Variants in TMEM151B observed in about 807,000 individuals in gnomAD.
TMEM151B encodes transmembrane protein 193.
In TMEM151B, 18 loss-of-function variants were observed where a neutral mutation model predicts 33.0. The observed-to-expected ratio is 0.55, with a 90% CI of 0.38 to 0.81. The LOEUF (loss-of-function observed/expected upper bound fraction) is 0.81, where lower values mean the gene tolerates loss of function less well. Among genes scored for constraint, TMEM151B ranks in the 30% least tolerant of loss-of-function variants. The pLI is 0.00. For missense variants in TMEM151B, 672 were observed against 843.4 expected, an observed-to-expected ratio of 0.80 and a Z score of 2.52; for synonymous variants, 354 against 373.6, an observed-to-expected ratio of 0.95 and a Z score of 0.61.
At chr6:44,272,024 A>G (rs540365162) in intron 1 of TMEM151B, among the ~76,000 whole-genome samples, 37 of 152,220 alleles carry the variant, frequency 2.4e-4, no homozygotes, top group Admixed American at 3.3e-4. Context: ...GGCCAGCACC[A>G]TGGTAGGCAC....
chr6:44,276,018 C>G lies in TMEM151B; in HGVS notation c.1192C>G (p.Leu398Val). Residue 398 changes from leucine (L) to valine (V), a missense_variant, in exon 3 of 3, where the codon CTC becomes GTC. By Grantham distance (32) the Leu-to-Val change is conservative. Coordinates refer to ENST00000451188, the MANE Select transcript of TMEM151B (RefSeq NM_001137560.2). ...SEAVLMDLAGLGTRCGGAGGG... is the reference protein window; with the variant it reads ...SEAVLMDLAGVGTRCGGAGGG... ...GGCGGTGCTCATGGACCTGGCGGGG[C>G]TCGGGACGCGCTGCGGCGGGGCAGG... is the stretch of plus-strand genomic sequence containing the variant. 3 of 1,354,142 alleles carry G rather than the reference C, an allele frequency of 2.2e-6. No homozygotes were observed. Among genetic ancestry groups the G allele is most frequent in the Non-Finnish European group, 2.8e-6 (3 of 1,054,696 alleles). 83.9% of individuals were successfully genotyped at this position (1,354,142 alleles called of 1,614,324 possible). A position where few individuals can be genotyped will look rare whatever the true frequency, so the allele number is the denominator to read the frequency against.
chr6:44,271,031 C>T (rs1237948064), intron 1 of TMEM151B, among the ~76,000 whole-genome samples, 154 bp downstream of exon 1: 1 of 149,138 alleles, frequency 6.7e-6, no homozygotes, highest in Non-Finnish European at 1.5e-5. Context: ...CCGCCCCCAC[C>T]CGGCGGCCGG....
intron 1 of TMEM151B, among the ~76,000 whole-genome samples, chr6:44,271,261 A>G (rs1782328577): frequency 6.7e-6 from 1 of 148,194 alleles, no homozygotes; most frequent in Non-Finnish European, 1.5e-5. Flanking sequence ...CAGAACGAGG[A>G]GGGTACCATG....
At position 44,277,851 on chromosome 6, in the gene TMEM151B, C is replaced by T. The variant is rs1285750339; in HGVS notation, c.*1324C>T. The T allele has an allele frequency of 6.6e-6, 1 of 152,598 alleles. No homozygotes were observed. Among genetic ancestry groups the T allele is most frequent in the Non-Finnish European group, 1.5e-5 (1 of 68,350 alleles). 9.5% of individuals were successfully genotyped at this position (152,598 alleles called of 1,614,324 possible). On this transcript the variant is annotated 3_prime_UTR_variant, in exon 3 of 3. Coordinates refer to ENST00000451188, the MANE Select transcript of TMEM151B (RefSeq NM_001137560.2). Reference sequence around the variant, plus strand: ...CCCTAAAGCTCTGACACCGCCTTCTCTCCGTGTGCTCCCCCCACCACCTCC... The same window carrying T: ...CCCTAAAGCTCTGACACCGCCTTCTTTCCGTGTGCTCCCCCCACCACCTCC...
rs1211600717 is a variant in TMEM151B, at chr6:44,278,012, CCACCCACATCTCT to C, written c.*1491_*1503del. ...CAGGCTAGAGAGGATAACCCTTGGGCCACCCACATCTCTCACCCCTGATGCTTCTTACTTCGCC... is the reference window on the plus strand; with the variant it reads ...CAGGCTAGAGAGGATAACCCTTGGGCCACCCCTGATGCTTCTTACTTCGCC... On this transcript the variant is annotated 3_prime_UTR_variant, in exon 3 of 3. Coordinates refer to ENST00000451188, the MANE Select transcript of TMEM151B (RefSeq NM_001137560.2). 4 of 153,094 alleles carry C rather than the reference CCACCCACATCTCT, an allele frequency of 2.6e-5. No homozygotes were observed. The Admixed American group carries it at 2.6e-4, about 10-fold the overall frequency. 9.5% of individuals were successfully genotyped at this position (153,094 alleles called of 1,614,324 possible). A position where few individuals can be genotyped will look rare whatever the true frequency, so the allele number is the denominator to read the frequency against.
In TMEM151B at chr6:44,276,011, G is replaced by A. The variant is rs1782571555; in HGVS notation, c.1185G>A (p.Leu395=). The change falls in exon 3 of 3, where the codon CTG becomes CTA. Residue 395 remains leucine, a synonymous_variant. Coordinates refer to ENST00000451188, the MANE Select transcript of TMEM151B (RefSeq NM_001137560.2). The part of the protein sequence containing the change: ...PSYSEAVLMD[L]AGLGTRCGGA... ...ACTCTGAGGCGGTGCTCATGGACCT[G>A]GCGGGGCTCGGGACGCGCTGCGGCG... is the stretch of plus-strand genomic sequence containing the variant. 4.4e-6 allele frequency: 6 copies of A among 1,368,918 alleles called. No individual in the cohort carries two copies. In the Middle Eastern group the frequency reaches 6.7e-4, roughly 153 times the overall value. 84.8% of individuals were successfully genotyped at this position (1,368,918 alleles called of 1,614,324 possible).
intron 2 of TMEM151B, among the ~76,000 whole-genome samples, chr6:44,274,368 T>C (rs912946546): frequency 2.6e-5 from 4 of 152,212 alleles, no homozygotes; most frequent in African/African-American, 9.6e-5. Context: ...GTGGTAGTGC[T>C]AGGCTCAATC....
Position 44,276,512 on chromosome 6 carries a change from A to G in TMEM151B, c.1686A>G (p.Val562=), listed in dbSNP as rs1371884465. Residue 562 remains valine, a synonymous_variant, in exon 3 of 3, where the codon GTA becomes GTG. Coordinates refer to ENST00000451188, the MANE Select transcript of TMEM151B (RefSeq NM_001137560.2). ...HRPLHRHGSC[V]ETSL ...CGCTGCACCGCCACGGCTCCTGCGT[A>G]GAGACCTCACTGTGACCTCCGGCCC... The G allele has an allele frequency of 6.0e-5, 83 of 1,383,716 alleles. No individual in the cohort carries two copies. The highest frequency in any genetic ancestry group is 3.6e-5 in the Non-Finnish European group (38 of 1,063,050). 85.7% of individuals were successfully genotyped at this position (1,383,716 alleles called of 1,614,324 possible). A position where few individuals can be genotyped will look rare whatever the true frequency, so the allele number is the denominator to read the frequency against.
In TMEM151B at chr6:44,278,426, C is replaced by T. The variant is rs1290895028; in HGVS notation, c.*1899C>T. 6.6e-6 allele frequency: 1 copy of T among 152,342 alleles called. No individual in the cohort carries two copies. The highest frequency in any genetic ancestry group is 1.5e-5 in the Non-Finnish European group (1 of 68,088). The allele number at this position is 152,342 out of a possible 1,614,324, so 9.4% of individuals were successfully genotyped here. A position where few individuals can be genotyped will look rare whatever the true frequency, so the allele number is the denominator to read the frequency against. On this transcript the variant is annotated 3_prime_UTR_variant, in exon 3 of 3. Coordinates refer to ENST00000451188, the MANE Select transcript of TMEM151B (RefSeq NM_001137560.2). ...CCTTGGGGGCCTGGCGTTTGGAGCACCCTTCTTTCCTCTGAATGGACATCT... is the reference window on the plus strand; with the variant it reads ...CCTTGGGGGCCTGGCGTTTGGAGCATCCTTCTTTCCTCTGAATGGACATCT...
chr6:44,276,752 C>T lies in TMEM151B; in HGVS notation c.*225C>T, dbSNP rs1310109688. On this transcript the variant is annotated 3_prime_UTR_variant, in exon 3 of 3. Transcript: ENST00000451188. ...GGGGTCGGCTGCTCCCCGAGATCCC[C>T]CTGGCAGAGTCATTCTTCCAGCCCC... The T allele has an allele frequency of 5.4e-6, 5 of 928,036 alleles. No homozygotes were observed. The highest frequency in any genetic ancestry group is 7.0e-6 in the Non-Finnish European group (5 of 712,696). 57.5% of individuals were successfully genotyped at this position (928,036 alleles called of 1,614,324 possible).
chr6:44,276,511 T>C lies in TMEM151B; in HGVS notation c.1685T>C (p.Val562Ala). The C allele has an allele frequency of 7.2e-7, 1 of 1,384,836 alleles. No homozygotes were observed. The highest frequency in any genetic ancestry group is 9.4e-7 in the Non-Finnish European group (1 of 1,063,688). 85.8% of individuals were successfully genotyped at this position (1,384,836 alleles called of 1,614,324 possible). A position where few individuals can be genotyped will look rare whatever the true frequency, so the allele number is the denominator to read the frequency against. Reference sequence around the variant, plus strand: ...CCGCTGCACCGCCACGGCTCCTGCGTAGAGACCTCACTGTGACCTCCGGCC... The same window carrying C: ...CCGCTGCACCGCCACGGCTCCTGCGCAGAGACCTCACTGTGACCTCCGGCC... ...HRPLHRHGSCVETSL is the reference protein window; with the variant it reads ...HRPLHRHGSCAETSL The change falls in exon 3 of 3, where the codon GTA becomes GCA. Residue 562 changes from valine to alanine, a missense_variant. Val to Ala is a moderately conservative substitution (Grantham distance 64). Transcript: ENST00000451188.
At position 44,276,705 on chromosome 6, in the gene TMEM151B, TAA is replaced by T. The variant is rs371436318; in HGVS notation, c.*180_*181del. 2.6e-5 allele frequency: 32 copies of T among 1,213,352 alleles called. 1 individual carries two copies. In the Middle Eastern group the frequency reaches 9.4e-4, roughly 36 times the overall value. 75.2% of individuals were successfully genotyped at this position (1,213,352 alleles called of 1,614,324 possible). The stretch of plus-strand genomic sequence containing the variant: ...CCGAGACCCCCGCTGTCCCTGTACA[TAA>T]AGAGACCGATGGGTGGGAGGGGGTC... On this transcript the variant is annotated 3_prime_UTR_variant, in exon 3 of 3. Coordinates refer to ENST00000451188, the MANE Select transcript of TMEM151B (RefSeq NM_001137560.2).
At position 44,270,778 on chromosome 6, in the gene TMEM151B, CGCCGGCGGCGGCGGCGGCG is replaced by C; in HGVS notation, c.38_56del (p.Ala13ValfsTer69). ...CTGGCTCGGCCGCGGGAGAGAGCGCCGCCGGCGGCGGCGGCGGCGGTGGCGGCCCCGGGGTCTCGGAGGA... is the reference window on the plus strand; with the variant it reads ...CTGGCTCGGCCGCGGGAGAGAGCGCCGTGGCGGCCCCGGGGTCTCGGAGGA... On this transcript the variant is annotated frameshift_variant, in exon 1 of 3. Transcript: ENST00000451188. LOFTEE classifies it high-confidence loss of function. 9.0e-7 allele frequency: 1 copy of C among 1,105,910 alleles called. No individual in the cohort carries two copies. Among genetic ancestry groups the C allele is most frequent in the Non-Finnish European group, 1.1e-6 (1 of 907,768 alleles). 68.5% of individuals were successfully genotyped at this position (1,105,910 alleles called of 1,614,324 possible).
intron 1 of TMEM151B, 86 bp from the exon 2 acceptor site, chr6:44,272,980 T>A: frequency 8.4e-7 from 1 of 1,188,052 alleles, no homozygotes; most frequent in South Asian, 1.6e-5. Flanking sequence ...CCTCTGCCCC[T>A]CCATCCCCGT....
Position 44,275,389 on chromosome 6 carries a change from C to G in TMEM151B, c.577-14C>G. 1.3e-6 allele frequency: 2 copies of G among 1,485,574 alleles called. No individual in the cohort carries two copies. Among genetic ancestry groups the G allele is most frequent in the Non-Finnish European group, 1.8e-6 (2 of 1,115,324 alleles). The allele number at this position is 1,485,574 out of a possible 1,614,324, so 92.0% of individuals were successfully genotyped here. On this transcript the variant is annotated splice_polypyrimidine_tract_variant and intron_variant, in intron 2 of 2. Transcript: ENST00000451188. Reference sequence around the variant, plus strand: ...GGCTCCCCGCGACCCCGCCGCCTGCCCCCCGCGCCGCAGGTCTACCACGAA... The same window carrying G: ...GGCTCCCCGCGACCCCGCCGCCTGCGCCCCGCGCCGCAGGTCTACCACGAA...
chr6:44,274,160 A>C (rs1363631015), intron 2 of TMEM151B, among the ~76,000 whole-genome samples: 1 of 152,096 alleles, frequency 6.6e-6, no homozygotes, highest in Non-Finnish European at 1.5e-5. Flanking sequence ...GGCTGTAGTG[A>C]GCTGTGATTG....
Position 44,275,874 on chromosome 6 carries a change from C to T in TMEM151B, c.1048C>T (p.Pro350Ser), listed in dbSNP as rs995427786. The stretch of plus-strand genomic sequence containing the variant: ...CAGCAGCGCAGGCGGTGGCCTCAGC[C>T]CCAGCGATGAGCTGCTGCCCCCGCT... Reference protein sequence around the residue: ...SASSAGGGLSPSDELLPPLTH... With the variant: ...SASSAGGGLSSSDELLPPLTH... Residue 350 changes from proline to serine, a missense_variant, in exon 3 of 3, where the codon CCC becomes TCC. By Grantham distance (74) the Pro-to-Ser change is moderately conservative. Transcript: ENST00000451188. 10 of 1,539,940 alleles carry T rather than the reference C, an allele frequency of 6.5e-6. No homozygotes were observed. The highest frequency in any genetic ancestry group is 1.2e-5 in the South Asian group (1 of 83,542).
chr6:44,274,876 T>C (rs1782506677), intron 2 of TMEM151B, among the ~76,000 whole-genome samples: 1 of 151,950 alleles, frequency 6.6e-6, no homozygotes. Context: ...CCCAGCACTT[T>C]GGGAGGCCGA....
In TMEM151B at chr6:44,276,577, G is replaced by A; in HGVS notation, c.*50G>A. On this transcript the variant is annotated 3_prime_UTR_variant, in exon 3 of 3. Coordinates refer to ENST00000451188, the MANE Select transcript of TMEM151B (RefSeq NM_001137560.2). ...CCGTCCTCCCGCCTGCCCCTCGCCGGACTGTGCTCCCTCTGCGACGCAGGG... is the reference window on the plus strand; with the variant it reads ...CCGTCCTCCCGCCTGCCCCTCGCCGAACTGTGCTCCCTCTGCGACGCAGGG... The A allele has an allele frequency of 7.5e-7, 1 of 1,328,910 alleles. No homozygotes were observed. The highest frequency in any genetic ancestry group is 9.6e-7 in the Non-Finnish European group (1 of 1,038,514). The allele number at this position is 1,328,910 out of a possible 1,614,324, so 82.3% of individuals were successfully genotyped here.
Sources: allele counts gnomAD v4.1 joint callset (sites outside exome capture counted in the v4.1 genomes callset), GRCh38; gene constraint gnomAD v4.1.1; transcripts MANE v1.5; gene names NCBI Gene and HGNC (gene_info 2026-07-23, HGNC 2026-07-21).